TJP1: variants seen among roughly 807,000 people sequenced by gnomAD.
TJP1 encodes tight junction protein 1.
In TJP1, 43 loss-of-function variants were observed where a neutral mutation model predicts 194.2. The observed-to-expected ratio is 0.22, with a 90% CI of 0.17 to 0.29. The LOEUF (loss-of-function observed/expected upper bound fraction) is 0.29, where lower values mean the gene tolerates loss of function less well. Ranked by LOEUF, TJP1 falls within the 10% of genes least tolerant of loss-of-function variation. The probability of loss-of-function intolerance (pLI) is 1.00; values close to 1 mark genes in which losing one functional copy is unlikely to be tolerated. For missense variants in TJP1, 1,971 were observed against 2,185.7 expected, an observed-to-expected ratio of 0.90 and a Z score of 1.96; for synonymous variants, 801 against 779.0, an observed-to-expected ratio of 1.03 and a Z score of -0.47.
At chr15:29,901,259 G>A (rs974331639) in intron 2 of TJP1, among the ~76,000 whole-genome samples, 1 of 152,150 alleles carries the variant, frequency 6.6e-6, no homozygotes, top group Non-Finnish European at 1.5e-5. Context: ...CCTGAAGATC[G>A]CAATGTGTAC....
chr15:29,960,921 T>A (rs2056132525), intron 1 of TJP1, among the ~76,000 whole-genome samples: 1 of 152,166 alleles, frequency 6.6e-6, no homozygotes, highest in Non-Finnish European at 1.5e-5. Flanking sequence ...TGCAGAATAT[T>A]AACTCTGGTG....
intron 2 of TJP1, among the ~76,000 whole-genome samples, chr15:29,843,038 G>A (rs1315160804): frequency 6.6e-6 from 1 of 152,056 alleles, no homozygotes; most frequent in Non-Finnish European, 1.5e-5. Flanking sequence ...GTATGAGAAA[G>A]TAAATAAAAC....
intron 1 of TJP1, among the ~76,000 whole-genome samples, chr15:29,808,812 G>A (rs1039429920): frequency 7.3e-5 from 11 of 151,644 alleles, no homozygotes; most frequent in Middle Eastern, 3.4e-3. Context: ...AACACCTAGT[G>A]AATTAAGGGA....
At chr15:29,808,365 G>T (rs763494960) in intron 1 of TJP1, among the ~76,000 whole-genome samples, 19 of 152,246 alleles carry the variant, frequency 1.2e-4, no homozygotes, top group Non-Finnish European at 2.6e-4. Flanking sequence ...AGGGATGGAG[G>T]TGGGGGAGCT....
At chr15:29,815,672 A>G (rs886567542) in intron 1 of TJP1, among the ~76,000 whole-genome samples, 3 of 152,252 alleles carry the variant, frequency 2.0e-5, no homozygotes, top group Admixed American at 2.0e-4. Flanking sequence ...AATTTTTATC[A>G]TATCAGGGGT....
chr15:29,934,523 C>T (rs549183910), intron 2 of TJP1, among the ~76,000 whole-genome samples: 3 of 152,326 alleles, frequency 2.0e-5, no homozygotes, highest in South Asian at 4.1e-4. Context: ...CATCCAAACC[C>T]TCACTTCCCT....
In TJP1 at chr15:29,720,670, A is replaced by C. The variant is rs539441946; in HGVS notation, c.2451T>G (p.Asp817Glu). The change falls in exon 19 of 28, where the codon GAT becomes GAG. Residue 817 changes from aspartate to glutamate, a missense_variant. Physicochemically the swap from Asp to Glu is conservative, Grantham distance 45. This residue lies in a region of TJP1 where 402 missense variants were observed against 484.2 expected (regional missense o/e 0.83). Transcript: ENST00000614355. ...GAGCTGACAGGTAGGACAGACGATCATCATGCAAATCAAGGTCATCACTTG... is the reference window on the plus strand; with the variant it reads ...GAGCTGACAGGTAGGACAGACGATCCTCATGCAAATCAAGGTCATCACTTG... ...GATSDDLDLH[D>E]DRLSYLSAPG... 6.2e-7 allele frequency: 1 copy of C among 1,610,180 alleles called. No homozygotes were observed. Among genetic ancestry groups the C allele is most frequent in the South Asian group, 1.1e-5 (1 of 90,650 alleles).
intron 8 of TJP1, among the ~76,000 whole-genome samples, chr15:29,750,238 C>T (rs775915484): frequency 6.6e-6 from 1 of 151,960 alleles, no homozygotes; most frequent in Non-Finnish European, 1.5e-5. Context: ...GATCTGCCCT[C>T]ATGATCAGCC....
chr15:29,750,285 G>A (rs2045176974), intron 8 of TJP1, among the ~76,000 whole-genome samples: 1 of 152,128 alleles, frequency 6.6e-6, no homozygotes, highest in Non-Finnish European at 1.5e-5. Flanking sequence ...TTACAGGCGT[G>A]AGCCACCACG....
At chr15:29,966,948 T>A (rs1596339506) in intron 1 of TJP1, among the ~76,000 whole-genome samples, 1 of 152,276 alleles carries the variant, frequency 6.6e-6, no homozygotes, top group East Asian at 1.9e-4. Context: ...CCCACGGACA[T>A]GTTTTAATTG....
downstream of TJP1, chr15:29,699,463 A>G (rs1454784539): frequency 6.6e-6 from 1 of 152,252 alleles, no homozygotes; most frequent in African/African-American, 2.4e-5. Flanking sequence ...TTGAGTATAA[A>G]GGGGTACAAA....
chr15:29,704,447 C>A, intron 26 of TJP1, 142 bp from the exon 27 acceptor site: 1 of 921,076 alleles, frequency 1.1e-6, no homozygotes, highest in Non-Finnish European at 1.5e-6. Context: ...CACAAAAAAA[C>A]GTAACAGCAG....
intron 2 of TJP1, among the ~76,000 whole-genome samples, chr15:29,926,554 G>T (rs1340723613): frequency 1.3e-5 from 2 of 151,466 alleles, no homozygotes; most frequent in Non-Finnish European, 2.9e-5. Flanking sequence ...GGAGGATGCA[G>T]TGAGCCAAGA....
chr15:29,849,716 C>T (rs2051565215), intron 2 of TJP1, among the ~76,000 whole-genome samples: 1 of 148,634 alleles, frequency 6.7e-6, no homozygotes, highest in Non-Finnish European at 1.5e-5. Context: ...CACTGTACTC[C>T]AGCCTGGGCA....
chr15:29,870,081 C>G (rs904041261), intron 2 of TJP1, among the ~76,000 whole-genome samples: 1 of 151,884 alleles, frequency 6.6e-6, no homozygotes, highest in African/African-American at 2.4e-5. Flanking sequence ...CCACCCCGCC[C>G]CCCACCGCCC....
intron 2 of TJP1, among the ~76,000 whole-genome samples, chr15:29,949,823 TCCA>T (rs1401621469): frequency 2.9e-4 from 7 of 24,010 alleles, no homozygotes; most frequent in South Asian, 1.6e-3. Flanking sequence ...CACTGCTACC[TCCA>T]CCACCACCAC....
chr15:29,717,371 C>T (rs901262318), intron 22 of TJP1, among the ~76,000 whole-genome samples: 3 of 152,156 alleles, frequency 2.0e-5, no homozygotes, highest in African/African-American at 2.4e-5. Context: ...CTTCTTTATC[C>T]TAAGTGCAAA....
At chr15:29,799,263 T>C (rs1218231986) in intron 2 of TJP1, among the ~76,000 whole-genome samples, 2 of 152,158 alleles carry the variant, frequency 1.3e-5, no homozygotes, top group Admixed American at 1.3e-4. Flanking sequence ...ATCATATGTA[T>C]CTGATTTAAA....
intron 23 of TJP1, among the ~76,000 whole-genome samples, chr15:29,712,011 G>A (rs1043858795): frequency 1.3e-5 from 2 of 152,162 alleles, no homozygotes; most frequent in African/African-American, 4.8e-5. Flanking sequence ...GTCAAATTGT[G>A]CCATGTATGT....
Sources: gnomAD v4.1 joint callset for allele counts (sites outside exome capture counted in the v4.1 genomes callset) on GRCh38, gnomAD v4.1.1 for gene constraint, gnomAD v4.1.1 regional missense constraint, MANE v1.5 for transcripts, NCBI Gene and HGNC (gene_info 2026-07-23, HGNC 2026-07-21) for gene names.